The following HYDIN variants were observed in gnomAD, a reference collection of about 807,000 sequenced individuals.
HYDIN encodes the protein HYDIN axonemal central pair apparatus protein.
In HYDIN, 132 loss-of-function variants were observed where a neutral mutation model predicts 403.9. The observed-to-expected ratio is 0.33, with a 90% CI of 0.28 to 0.38. The LOEUF (loss-of-function observed/expected upper bound fraction) is 0.38. Among genes scored for constraint, HYDIN ranks in the 10% least tolerant of loss-of-function variants. HYDIN has a pLI of 1.00. For synonymous variants in HYDIN, 1,202 were observed against 1,891.7 expected, an observed-to-expected ratio of 0.64 and a Z score of 9.46; for missense variants, 2,827 against 5,009.5, an observed-to-expected ratio of 0.56 and a Z score of 13.15.
chr16:70,809,734 C>T (rs1223779193), intron 85 of HYDIN, 49 bp downstream of exon 85: 2 of 1,416,280 alleles, frequency 1.4e-6, no homozygotes, highest in South Asian at 1.2e-5. Flanking sequence ...GTTTTTGAAC[C>T]CAGCGTTCAT....
At chr16:71,170,748 G>GT (rs2086429904) in intron 5 of HYDIN, among the ~76,000 whole-genome samples, 1 of 152,040 alleles carries the variant, frequency 6.6e-6, no homozygotes, top group Admixed American at 6.5e-5. Context: ...CACAATCATG[G>GT]TACTGTGGTT....
intron 77 of HYDIN, among the ~76,000 whole-genome samples, chr16:70,836,592 G>A (rs1056446798): frequency 4.6e-5 from 7 of 152,198 alleles, no homozygotes; most frequent in African/African-American, 1.7e-4. Context: ...TGGTGCCTGG[G>A]TCAGGCCAAG....
chr16:71,184,002 C>G (rs2087019624), intron 3 of HYDIN, among the ~76,000 whole-genome samples: 1 of 152,040 alleles, frequency 6.6e-6, no homozygotes, highest in Non-Finnish European at 1.5e-5. Context: ...TGGAAAAGAC[C>G]ATGTTCCCTC....
At chr16:71,205,912 G>A (rs2088274079) in intron 1 of HYDIN, among the ~76,000 whole-genome samples, 1 of 152,178 alleles carries the variant, frequency 6.6e-6, no homozygotes, top group African/African-American at 2.4e-5. Flanking sequence ...CTGTTGTCCT[G>A]GAGAGCAGAG....
chr16:70,834,463 C>G (rs1402987606), intron 78 of HYDIN, among the ~76,000 whole-genome samples: 1 of 152,036 alleles, frequency 6.6e-6, no homozygotes, highest in Non-Finnish European at 1.5e-5. Flanking sequence ...CTCCCTGATA[C>G]AGGAAATAGT....
At chr16:71,051,883 A>C (rs972842027) in intron 18 of HYDIN, among the ~76,000 whole-genome samples, 1 of 152,224 alleles carries the variant, frequency 6.6e-6, no homozygotes, top group African/African-American at 2.4e-5. Context: ...AGCTGACACA[A>C]GAAAATTCAA....
At chr16:70,822,459 G>A (rs1191623421) in intron 83 of HYDIN, among the ~76,000 whole-genome samples, 1 of 152,070 alleles carries the variant, frequency 6.6e-6, no homozygotes, top group Admixed American at 6.6e-5. Context: ...AAGATGCCAT[G>A]AACATTGTTG....
Position 71,115,882 on chromosome 16 carries a change from A to T in HYDIN, c.1228-87T>A, listed in dbSNP as rs28477272. The T allele has an allele frequency of 7.8e-3, 6,539 of 833,142 alleles. 279 individuals are homozygous for T. The African/African-American group carries it at 0.099, about 13-fold the overall frequency. 51.6% of individuals were successfully genotyped at this position (833,142 alleles called of 1,614,324 possible). A position where few individuals can be genotyped will look rare whatever the true frequency, so the allele number is the denominator to read the frequency against. On this transcript the variant is annotated intron_variant, in intron 9 of 85. Transcript: ENST00000393567. The stretch of plus-strand genomic sequence containing the variant: ...TGTTATTACATTAAAACTCCAATAA[A>T]TTTTTTTTTCATAAAATTGTATATG...
intron 8 of HYDIN, chr16:71,131,856 T>C (rs879154391): frequency 1.3e-5 from 2 of 151,376 alleles, no homozygotes; most frequent in Non-Finnish European, 2.9e-5. Context: ...GCACACTGCC[T>C]CCCAGGAATC....
intron 1 of HYDIN, among the ~76,000 whole-genome samples, chr16:71,202,561 T>C (rs2088073866): frequency 6.6e-6 from 1 of 152,134 alleles, no homozygotes; most frequent in African/African-American, 2.4e-5. Context: ...GCAACAGAAA[T>C]CCTGAGCATA....
intron 1 of HYDIN, among the ~76,000 whole-genome samples, chr16:71,195,450 A>C (rs756039408): frequency 3.3e-5 from 5 of 152,180 alleles, no homozygotes; most frequent in Non-Finnish European, 7.3e-5. Flanking sequence ...CCATTTTCAC[A>C]AGAAAATATC....
intron 60 of HYDIN, among the ~76,000 whole-genome samples, chr16:70,881,241 A>T (rs2040780342): frequency 7.2e-6 from 1 of 138,940 alleles, no homozygotes; most frequent in African/African-American, 3.1e-5. Context: ...AAAAAAAAAA[A>T]AAATCAGTCT....
At chr16:70,848,475 C>T (rs2038376285) in intron 75 of HYDIN, among the ~76,000 whole-genome samples, 1 of 150,412 alleles carries the variant, frequency 6.6e-6, no homozygotes, top group South Asian at 2.1e-4. Context: ...ATCCTCCCTC[C>T]CCCAGGGTTG....
At chr16:71,219,186 C>T (rs780925595) in intron 1 of HYDIN, among the ~76,000 whole-genome samples, 77 of 152,060 alleles carry the variant, frequency 5.1e-4, no homozygotes, top group Non-Finnish European at 9.0e-4. Flanking sequence ...TTAACTTAGG[C>T]TCATAATAGC....
chr16:70,874,787 G>A, intron 63 of HYDIN, 30 bp downstream of exon 63: 2 of 1,602,014 alleles, frequency 1.2e-6, no homozygotes, highest in Non-Finnish European at 8.5e-7. Context: ...GAGATCCATT[G>A]CCCTCTAGAA....
At chr16:71,175,783 A>C in intron 4 of HYDIN, 42 bp from the exon 5 acceptor site, 1 of 1,607,436 alleles carries the variant, frequency 6.2e-7, no homozygotes, top group South Asian at 1.1e-5. Context: ...GCATGTGAAA[A>C]AGCAGAGTTA....
At chr16:71,178,434 AAT>A (rs1555501893) in intron 4 of HYDIN, among the ~76,000 whole-genome samples, 59 of 94,534 alleles carry the variant, frequency 6.2e-4, no homozygotes, top group African/African-American at 1.8e-3. Flanking sequence ...AAAAAAAAAA[AAT>A]ATATATATAT....
intron 18 of HYDIN, among the ~76,000 whole-genome samples, chr16:71,037,569 G>A (rs1546537): frequency 6.7e-6 from 1 of 150,096 alleles, no homozygotes; most frequent in African/African-American, 2.5e-5. Flanking sequence ...TATCCTCAGC[G>A]GTCGTGACTT....
chr16:71,011,810 T>C (rs6416705), intron 23 of HYDIN, among the ~76,000 whole-genome samples: 95,151 of 148,224 alleles, frequency 0.64, 33,286 homozygotes, highest in African/African-American at 0.91. Flanking sequence ...GGCTCCTTCT[T>C]CAGCCTCCTT....
Sources: gnomAD v4.1 joint callset for allele counts (sites outside exome capture counted in the v4.1 genomes callset) on GRCh38, gnomAD v4.1.1 for gene constraint, MANE v1.5 for transcripts, NCBI Gene and HGNC (gene_info 2026-07-23, HGNC 2026-07-21) for gene names.